The following RFX4 variants were observed in gnomAD, a reference collection of about 807,000 sequenced individuals.
RFX4 encodes transcription factor RFX4.
Under a neutral mutation model 95.0 loss-of-function variants are expected in RFX4, and 10 were observed. That is an observed-to-expected ratio of 0.11 (90% CI 0.06 to 0.18). RFX4 has a LOEUF of 0.18. Among genes scored for constraint, RFX4 ranks in the 10% least tolerant of loss-of-function variants. RFX4 has a pLI of 1.00. For missense variants in RFX4, 640 were observed against 922.0 expected (o/e 0.69, Z 3.96); for synonymous variants, 321 against 340.7 (o/e 0.94, Z 0.64).
chr12:106,601,297 C>T, intron 1 of RFX4: 8 of 1,594,700 alleles, frequency 5.0e-6, no homozygotes, highest in South Asian at 1.1e-5. Flanking sequence ...GGAGAGCCCA[C>T]CCTGGTGCGG....
chr12:106,583,342 G>A lies in RFX4; in HGVS notation c.22G>A (p.Glu8Lys). 3 of 1,587,904 alleles carry A rather than the reference G, an allele frequency of 1.9e-6. No homozygotes were observed. The highest frequency in any genetic ancestry group is 2.6e-6 in the Non-Finnish European group (3 of 1,170,902). ...GAGCATGCATTGTGGGTTACTGGAGGAACCCGACATGGATTCCACAGGTTA... is the reference window on the plus strand; with the variant it reads ...GAGCATGCATTGTGGGTTACTGGAGAAACCCGACATGGATTCCACAGGTTA... Reference protein sequence around the residue: MHCGLLEEPDMDSTESWI... With the variant: MHCGLLEKPDMDSTESWI... The change falls in exon 1 of 18, where the codon GAA (glutamate) becomes AAA (lysine). Residue 8 changes from glutamate (E) to lysine (K), a missense_variant. Glu to Lys is a moderately conservative substitution (Grantham distance 56, BLOSUM62 1). Transcript: ENST00000392842.
At chr12:106,638,440 G>T (rs2040556758) in intron 2 of RFX4, among the ~76,000 whole-genome samples, 1 of 152,080 alleles carries the variant, frequency 6.6e-6, no homozygotes, top group Admixed American at 6.5e-5. Flanking sequence ...GTCCTTTACA[G>T]AAAATATGTG....
chr12:106,629,842 A>G (rs551221320), intron 2 of RFX4, among the ~76,000 whole-genome samples: 11 of 152,084 alleles, frequency 7.2e-5, no homozygotes, highest in Non-Finnish European at 1.6e-4. Flanking sequence ...TCAGCCTCCC[A>G]AAGTGTTGGG....
chr12:106,683,518 A>G (rs1464013747), intron 5 of RFX4: 1 of 139,382 alleles, frequency 7.2e-6, no homozygotes, highest in Admixed American at 7.6e-5. Context: ...TATAATTTTA[A>G]AATTCTGGTA....
chr12:106,708,694 C>G (rs2042135628), intron 8 of RFX4, among the ~76,000 whole-genome samples: 1 of 152,080 alleles, frequency 6.6e-6, no homozygotes, highest in Admixed American at 6.6e-5. Context: ...ATAGCAAGGG[C>G]CAGAAAATGG....
rs544524160 is a variant in RFX4 at position 106,623,238 on chromosome 12, C to T, written c.130+14355C>T. ...TATTTTTAGTAGAGACAGGGTTTCA[C>T]GGTGGTCTCAATCTGACCTCGTGAT... On this transcript the variant is annotated intron_variant, in intron 2 of 17. Transcript: ENST00000392842. 2.8e-4 allele frequency among the ~76,000 whole-genome samples: 42 copies of T among 148,326 alleles called. No homozygotes were observed. In the South Asian group the frequency reaches 5.9e-3, roughly 21 times the overall value.
intron 6 of RFX4, among the ~76,000 whole-genome samples, chr12:106,688,158 C>T (rs182037015): frequency 4.2e-4 from 63 of 151,284 alleles, no homozygotes; most frequent in Non-Finnish European, 8.1e-4. Flanking sequence ...CAACCTCCGC[C>T]TCCCAGGTTC....
intron 2 of RFX4, among the ~76,000 whole-genome samples, chr12:106,638,920 A>T (rs2137278340): frequency 6.6e-6 from 1 of 152,336 alleles, no homozygotes; most frequent in Admixed American, 6.5e-5. Flanking sequence ...CTGGGGGATT[A>T]GGTTTCAACA....
intron 15 of RFX4, among the ~76,000 whole-genome samples, chr12:106,741,459 T>G (rs1385690770): frequency 6.6e-6 from 1 of 152,230 alleles, no homozygotes; most frequent in Non-Finnish European, 1.5e-5. Context: ...GGAAATTTTT[T>G]CTATCTTAGC....
At chr12:106,651,258 G>T (rs1438200380) in intron 3 of RFX4, among the ~76,000 whole-genome samples, 1 of 152,148 alleles carries the variant, frequency 6.6e-6, no homozygotes, top group Non-Finnish European at 1.5e-5. Context: ...ATACCAGAGA[G>T]ATTTGGAATG....
intron 2 of RFX4, among the ~76,000 whole-genome samples, chr12:106,633,032 G>A (rs1335354923): frequency 2.0e-5 from 3 of 152,252 alleles, no homozygotes; most frequent in Non-Finnish European, 2.9e-5. Context: ...TCTGATGAAT[G>A]AGTAAATAAA....
intron 11 of RFX4, among the ~76,000 whole-genome samples, chr12:106,718,799 A>G (rs2042340081): frequency 2.0e-5 from 3 of 152,190 alleles, no homozygotes. Context: ...TCTATTTTCT[A>G]GAGCACTTCA....
At chr12:106,696,249 A>G (rs2137449683) in intron 7 of RFX4, 34 bp from the exon 8 acceptor site, 2 of 1,611,264 alleles carry the variant, frequency 1.2e-6, no homozygotes, top group Middle Eastern at 1.7e-4. Context: ...GCCCTGGGTA[A>G]CCTCATGATT....
At chr12:106,707,931 G>A (rs957256099) in intron 8 of RFX4, among the ~76,000 whole-genome samples, 3 of 152,184 alleles carry the variant, frequency 2.0e-5, no homozygotes, top group East Asian at 1.9e-4. Flanking sequence ...TCAGGAGTTC[G>A]AGACCAGCCT....
At chr12:106,702,260 T>A (rs948184814) in intron 8 of RFX4, among the ~76,000 whole-genome samples, 3 of 152,120 alleles carry the variant, frequency 2.0e-5, no homozygotes, top group Admixed American at 2.0e-4. Context: ...TGCCAAACAG[T>A]GTGTAGAAGA....
intron 4 of RFX4, among the ~76,000 whole-genome samples, chr12:106,658,741 G>A (rs1000339105): frequency 6.6e-6 from 1 of 152,158 alleles, no homozygotes; most frequent in African/African-American, 2.4e-5. Context: ...CCTGTCATAG[G>A]TTTTGGGGGA....
Position 106,696,358 on chromosome 12 carries a change from G to C in RFX4, c.745G>C (p.Val249Leu), listed in dbSNP as rs1052136284. The change falls in exon 8 of 18, where the codon GTG (valine) becomes CTG (leucine). Residue 249 changes from valine to leucine, a missense_variant. Val to Leu is a conservative substitution (Grantham distance 32). Transcript: ENST00000392842. ...MLPVLGSSTV[V>L]NIVGVCDSIL... The stretch of plus-strand genomic sequence containing the variant: ...GCCTGTGCTGGGCTCCTCCACGGTG[G>C]TGAACATTGTCGGCGTGTGTGACTC... 4 of 1,614,162 alleles carry C rather than the reference G, an allele frequency of 2.5e-6. No individual in the cohort carries two copies. The highest frequency in any genetic ancestry group is 3.4e-6 in the Non-Finnish European group (4 of 1,180,018).
intron 17 of RFX4, among the ~76,000 whole-genome samples, chr12:106,758,524 G>C: frequency 6.6e-6 from 1 of 152,066 alleles, no homozygotes; most frequent in East Asian, 1.9e-4. Context: ...ACACTCTCTC[G>C]GGTTCTGTGG....
intron 4 of RFX4, among the ~76,000 whole-genome samples, chr12:106,679,108 G>C (rs2041452124): frequency 6.6e-6 from 1 of 152,164 alleles, no homozygotes; most frequent in Non-Finnish European, 1.5e-5. Context: ...CTACAGCCTT[G>C]ACAGCACTGA....
Sources: allele counts gnomAD v4.1 joint callset (sites outside exome capture counted in the v4.1 genomes callset), GRCh38; gene constraint gnomAD v4.1.1; transcripts MANE v1.5; gene names NCBI Gene and HGNC (gene_info 2026-07-23, HGNC 2026-07-21).